The following SNX29 variants were observed in gnomAD, a reference collection of about 807,000 sequenced individuals.
The protein encoded by SNX29 is sorting nexin-29.
In SNX29, 78 loss-of-function variants were observed where a neutral mutation model predicts 102.1. The observed-to-expected ratio is 0.76, with a 90% confidence interval of 0.64 to 0.92. The LOEUF (loss-of-function observed/expected upper bound fraction) is 0.92. SNX29 is among the 40% of genes least tolerant of loss of function. The pLI, the probability that SNX29 is intolerant of heterozygous loss-of-function variation, is 0.00. For missense variants in SNX29, 1,280 were observed against 1,061.7 expected (o/e 1.21, Z -2.86); for synonymous variants, 580 against 414.5 (o/e 1.40, Z -4.85).
chr16:12,427,488 G>C (rs1332109799), intron 18 of SNX29, among the ~76,000 whole-genome samples: 1 of 151,886 alleles, frequency 6.6e-6, no homozygotes, highest in Non-Finnish European at 1.5e-5. Flanking sequence ...TTGAAGCCAG[G>C]TATTTCCTTT....
chr16:12,131,135 C>T (rs1022449669), intron 13 of SNX29, among the ~76,000 whole-genome samples: 8 of 152,204 alleles, frequency 5.3e-5, no homozygotes, highest in African/African-American at 1.4e-4. Flanking sequence ...GGGCCTGCTG[C>T]GACGCAGCTG....
chr16:12,546,520 C>T (rs936906027), intron 20 of SNX29: 1 of 152,216 alleles, frequency 6.6e-6, no homozygotes, highest in Non-Finnish European at 1.5e-5. Context: ...ATTCAATTAT[C>T]TCCCAATGGG....
intron 13 of SNX29, 23 bp from the exon 14 acceptor site, chr16:12,199,574 ATTTT>A (rs112078284): frequency 6.3e-7 from 1 of 1,582,710 alleles, no homozygotes; most frequent in Admixed American, 1.8e-5. Flanking sequence ...TTAAATATAT[ATTTT>A]TTTAACATTC....
intron 18 of SNX29, among the ~76,000 whole-genome samples, chr16:12,435,157 G>C (rs2085481235): frequency 6.6e-6 from 1 of 152,148 alleles, no homozygotes; most frequent in African/African-American, 2.4e-5. Context: ...GCACCCTGCT[G>C]CCCTCTGCCT....
At chr16:12,551,039 G>A (rs1173148503) in intron 20 of SNX29, among the ~76,000 whole-genome samples, 1 of 152,146 alleles carries the variant, frequency 6.6e-6, no homozygotes, top group African/African-American at 2.4e-5. Context: ...TAAACAAGGT[G>A]TCATCCAGAT....
chr16:12,165,576 T>G (rs1189094067), intron 13 of SNX29, among the ~76,000 whole-genome samples: 1 of 152,262 alleles, frequency 6.6e-6, no homozygotes, highest in Non-Finnish European at 1.5e-5. Flanking sequence ...TATTTTATAT[T>G]TTGAGACAGA....
intron 3 of SNX29, among the ~76,000 whole-genome samples, chr16:12,025,446 C>A (rs541334339): frequency 6.6e-6 from 1 of 151,914 alleles, no homozygotes; most frequent in Non-Finnish European, 1.5e-5. Flanking sequence ...CAAGGTTAAT[C>A]ATTGATTTAC....
chr16:12,418,064 A>G (rs551820563), intron 18 of SNX29, among the ~76,000 whole-genome samples: 10 of 152,282 alleles, frequency 6.6e-5, no homozygotes, highest in Middle Eastern at 3.4e-3. Context: ...TTTGTCTTAC[A>G]TTGGAGGATT....
At chr16:12,545,149 TACAG>T (rs1163967829) in intron 20 of SNX29, among the ~76,000 whole-genome samples, 5 of 152,010 alleles carry the variant, frequency 3.3e-5, no homozygotes, top group Admixed American at 1.3e-4. Flanking sequence ...AGCTATGAAG[TACAG>T]ACACTCTGCC....
intron 13 of SNX29, among the ~76,000 whole-genome samples, chr16:12,141,241 G>C (rs186959701): frequency 1.3e-5 from 2 of 152,340 alleles, no homozygotes; most frequent in African/African-American, 2.4e-5. Context: ...CCGCCTACAT[G>C]AATGGCCACA....
At chr16:12,532,303 C>T (rs147692775) in intron 20 of SNX29, among the ~76,000 whole-genome samples, 1 of 152,240 alleles carries the variant, frequency 6.6e-6, no homozygotes, top group African/African-American at 2.4e-5. Context: ...GCATTCTGGA[C>T]ACCAGACTCT....
At chr16:12,459,599 A>G (rs755142992) in intron 18 of SNX29, among the ~76,000 whole-genome samples, 3 of 152,142 alleles carry the variant, frequency 2.0e-5, no homozygotes. Flanking sequence ...GTCAGTCTGC[A>G]TGCACGTGGG....
chr16:12,164,932 C>T (rs2055949684), intron 13 of SNX29, among the ~76,000 whole-genome samples: 1 of 152,082 alleles, frequency 6.6e-6, no homozygotes, highest in Admixed American at 6.6e-5. Flanking sequence ...AGGTGATCTG[C>T]CCACCTTGAT....
intron 19 of SNX29, among the ~76,000 whole-genome samples, chr16:12,480,726 C>G (rs2087866285): frequency 6.6e-6 from 1 of 152,200 alleles, no homozygotes; most frequent in African/African-American, 2.4e-5. Context: ...TAAATCTCAT[C>G]AGTCCTGAAA....
chr16:12,132,708 A>G (rs1170308152), intron 13 of SNX29, among the ~76,000 whole-genome samples: 1 of 152,240 alleles, frequency 6.6e-6, no homozygotes, highest in East Asian at 1.9e-4. Context: ...TCAATGTCCT[A>G]ACCAGGCAGT....
At chr16:12,419,965 G>A (rs1254604170) in intron 18 of SNX29, among the ~76,000 whole-genome samples, 1 of 152,212 alleles carries the variant, frequency 6.6e-6, no homozygotes, top group East Asian at 1.9e-4. Flanking sequence ...CCTGCAGGCT[G>A]CCCACAGCTC....
intron 9 of SNX29, 98 bp downstream of exon 9, chr16:12,061,744 C>G: frequency 1.0e-6 from 1 of 981,430 alleles, no homozygotes; most frequent in Non-Finnish European, 1.5e-6. Context: ...GAATGGGAGC[C>G]GGGAGGCACG....
intron 20 of SNX29, chr16:12,556,224 A>C (rs1253535316): frequency 2.6e-5 from 4 of 151,944 alleles, no homozygotes; most frequent in Non-Finnish European, 5.9e-5. Context: ...TCCAATTGTG[A>C]GGTTGGTTTC....
intron 20 of SNX29, among the ~76,000 whole-genome samples, chr16:12,561,782 C>G (rs927204791): frequency 9.2e-5 from 14 of 152,118 alleles, no homozygotes; most frequent in African/African-American, 3.4e-4. Context: ...CATGTCAGGA[C>G]CACGCGTGGC....
Sources: gnomAD v4.1 joint callset for allele counts (sites outside exome capture counted in the v4.1 genomes callset) on GRCh38, gnomAD v4.1.1 for gene constraint, MANE v1.5 for transcripts, NCBI Gene and HGNC (gene_info 2026-07-23, HGNC 2026-07-21) for gene names.